The following TUB variants were observed in gnomAD, a reference collection of about 807,000 sequenced individuals.
TUB encodes the protein tubby protein homolog.
In TUB, 33 loss-of-function variants were observed where a neutral mutation model predicts 59.7. The ratio of observed to expected loss-of-function variants is 0.55; its 90% CI spans 0.42 to 0.74. The LOEUF is 0.74. Among genes scored for constraint, TUB ranks in the 30% least tolerant of loss-of-function variants. The pLI is 0.00. For synonymous variants in TUB, 293 were observed against 256.4 expected, an observed-to-expected ratio of 1.14 and a Z score of -1.36; for missense variants, 659 against 672.0, an observed-to-expected ratio of 0.98 and a Z score of 0.21.
chr11:8,074,188 G>C (rs145649182), intron 2 of TUB, among the ~76,000 whole-genome samples: 135 of 151,990 alleles, frequency 8.9e-4, no homozygotes, highest in African/African-American at 3.1e-3. Context: ...TGTCTGCACT[G>C]TTCAGGGATC....
At chr11:8,028,906 G>A (rs1942534167) in intron 1 of TUB, among the ~76,000 whole-genome samples, 2 of 152,138 alleles carry the variant, frequency 1.3e-5, no homozygotes, top group South Asian at 4.1e-4. Context: ...CAGCTGCTTG[G>A]GAGGCTGAGG....
At chr11:8,079,594 C>G (rs1474689648), upstream of TUB, among the ~76,000 whole-genome samples, 1 of 152,050 alleles carries the variant, frequency 6.6e-6, no homozygotes. Flanking sequence ...ATGTTGTGCC[C>G]GACAGAGATG....
intron 8 of TUB, 92 bp downstream of exon 8, chr11:8,097,918 C>A: frequency 1.0e-6 from 1 of 957,518 alleles, no homozygotes; most frequent in Non-Finnish European, 1.6e-6. Flanking sequence ...TGAAGGAGAT[C>A]TAGGCCAGGG....
chr11:8,049,384 G>C (rs1942890099), intron 2 of TUB, among the ~76,000 whole-genome samples: 2 of 152,006 alleles, frequency 1.3e-5, no homozygotes, highest in Non-Finnish European at 2.9e-5. Context: ...TTGAGAGTAG[G>C]GCCCAAGAAT....
At chr11:8,071,171 T>C (rs907860485) in intron 2 of TUB, among the ~76,000 whole-genome samples, 10 of 152,072 alleles carry the variant, frequency 6.6e-5, no homozygotes, top group African/African-American at 1.9e-4. Context: ...ACTTACGGAG[T>C]GCATCCTGCG....
chr11:8,090,321 C>T (rs1054822909), intron 3 of TUB, 90 bp downstream of exon 3: 21 of 1,502,736 alleles, frequency 1.4e-5, no homozygotes, highest in Admixed American at 4.0e-5. Flanking sequence ...CTGGTCCTGA[C>T]GGGGGATGCC....
chr11:8,050,731 G>T (rs569957300), intron 2 of TUB, among the ~76,000 whole-genome samples: 1 of 152,064 alleles, frequency 6.6e-6, no homozygotes, highest in African/African-American at 2.4e-5. Flanking sequence ...TCCCTTCAGC[G>T]AAGTCTGTCA....
intron 2 of TUB, among the ~76,000 whole-genome samples, chr11:8,047,961 A>G: frequency 6.6e-6 from 1 of 152,092 alleles, no homozygotes; most frequent in Non-Finnish European, 1.5e-5. Flanking sequence ...CATTTTAATA[A>G]TTATTTATAT....
intron 1 of TUB, among the ~76,000 whole-genome samples, chr11:8,023,470 ATTCTC>A (rs1942459246): frequency 6.6e-6 from 1 of 152,096 alleles, no homozygotes; most frequent in Non-Finnish European, 1.5e-5. Flanking sequence ...ATTCCATTCT[ATTCTC>A]AGGCTACACC....
In TUB at chr11:8,081,216, C is replaced by T. The variant is rs1344723631; in HGVS notation, c.-295C>T. On this transcript the variant is annotated 5_prime_UTR_variant, in exon 1 of 12. Coordinates refer to ENST00000299506, the MANE Select transcript of TUB (RefSeq NM_177972.3). ...GGCCGCCGCTGCCACGCAGTACTCC[C>T]GCCTTGGCGCCAGAGGGGCGCGGGA... 2 of 247,160 alleles carry T rather than the reference C, an allele frequency of 8.1e-6. No homozygotes were observed. The highest frequency in any genetic ancestry group is 2.3e-5 in the African/African-American group (1 of 43,096). 15.3% of individuals were successfully genotyped at this position (247,160 alleles called of 1,614,324 possible).
exon 1 of TUB, chr11:8,038,777 T>C: frequency 6.5e-7 from 1 of 1,535,548 alleles, no homozygotes; most frequent in Admixed American, 2.1e-5. Flanking sequence ...CTGGTTTCAG[T>C]ACTGAGGCGA....
In TUB at chr11:8,105,080, A is replaced by G. The variant is rs1944490861; in HGVS notation, c.*3461A>G. On this transcript the variant is annotated 3_prime_UTR_variant, in exon 12 of 12. Transcript: ENST00000299506. Reference sequence around the variant, plus strand: ...TTTGCTTACAATGGAGTCTGCAGTGAGGGGAGATGCTGGGATAGCCATTTC... The same window carrying G: ...TTTGCTTACAATGGAGTCTGCAGTGGGGGGAGATGCTGGGATAGCCATTTC... 6.6e-6 allele frequency: 1 copy of G among 152,202 alleles called. No homozygotes were observed. The highest frequency in any genetic ancestry group is 6.5e-5 in the Admixed American group (1 of 15,274). The allele number at this position is 152,202 out of a possible 1,614,324, so 9.4% of individuals were successfully genotyped here.
intron 10 of TUB, 94 bp downstream of exon 10, chr11:8,100,695 A>AAG: frequency 6.7e-7 from 1 of 1,484,458 alleles, no homozygotes. Context: ...GTGTATGTGG[A>AAG]GGGGTACCAT....
At chr11:8,068,108 T>A (rs1439733909) in intron 2 of TUB, 3 of 152,254 alleles carry the variant, frequency 2.0e-5, no homozygotes, top group African/African-American at 7.2e-5. Context: ...TCCACTTGTT[T>A]GCAGATAAGA....
At chr11:8,095,698 A>G (rs1399653478) in intron 5 of TUB, 33 bp downstream of exon 5, 8 of 1,557,948 alleles carry the variant, frequency 5.1e-6, no homozygotes, top group African/African-American at 1.4e-5. Context: ...GATACCCCCA[A>G]AACTCAGTCC....
At chr11:8,080,223 T>G (rs973241527), upstream of TUB, among the ~76,000 whole-genome samples, 3 of 152,228 alleles carry the variant, frequency 2.0e-5, no homozygotes, top group African/African-American at 7.2e-5. Context: ...GAATCCAGGA[T>G]GCACACGAGG....
chr11:8,099,897 TA>T (rs1944187611), intron 9 of TUB, among the ~76,000 whole-genome samples: 1 of 152,090 alleles, frequency 6.6e-6, no homozygotes, highest in Non-Finnish European at 1.5e-5. Flanking sequence ...TACCAGGCAG[TA>T]AATGGTGAGG....
chr11:8,090,349 C>A, intron 3 of TUB, 118 bp downstream of exon 3: 2 of 1,372,938 alleles, frequency 1.5e-6, no homozygotes, highest in Non-Finnish European at 2.0e-6. Context: ...TGTATGGCTT[C>A]CAGCCCAGGC....
chr11:8,078,830 TCA>T (rs1438909419), upstream of TUB, among the ~76,000 whole-genome samples: 2 of 151,960 alleles, frequency 1.3e-5, no homozygotes, highest in Non-Finnish European at 2.9e-5. Context: ...TGTATGGGAC[TCA>T]CACAACCCAT....
Sources: allele counts gnomAD v4.1 joint callset (sites outside exome capture counted in the v4.1 genomes callset), GRCh38; gene constraint gnomAD v4.1.1; transcripts MANE v1.5; gene names NCBI Gene and HGNC (gene_info 2026-07-23, HGNC 2026-07-21).